Variants in CEP152 observed in about 807,000 individuals in gnomAD.
CEP152 encodes centrosomal protein of 152 kDa.
In CEP152, 132 loss-of-function variants were observed where a neutral mutation model predicts 188.9. The ratio of observed to expected loss-of-function variants is 0.70; its 90% CI spans 0.61 to 0.81. The LOEUF is 0.81. Among genes scored for constraint, CEP152 ranks in the 30% least tolerant of loss-of-function variants. The probability of loss-of-function intolerance (pLI) is 0.00; values close to 1 mark genes in which losing one functional copy is unlikely to be tolerated. For synonymous variants in CEP152, 649 were observed against 666.6 expected (o/e 0.97, Z 0.41); for missense variants, 1,914 against 1,969.8 (o/e 0.97, Z 0.54).
In CEP152 at chr15:48,742,038, C is replaced by T; in HGVS notation, c.3898G>A (p.Val1300Ile). The change falls in exon 25 of 27, where the codon GTA (valine) becomes ATA (isoleucine). Residue 1300 changes from valine to isoleucine, a missense_variant. Physicochemically the swap from Val to Ile is conservative, Grantham distance 29. Coordinates refer to ENST00000380950, the MANE Select transcript of CEP152 (RefSeq NM_001194998.2). Reference protein sequence around the residue: ...ERAAEMVKAEVLRERQETARK... With the variant: ...ERAAEMVKAEILRERQETARK... The stretch of plus-strand genomic sequence containing the variant: ...GCGGTTTCTTGACGTTCTCGCAGTA[C>T]CTCTGCTTTTACCATTTCTGCAGCT... The T allele has an allele frequency of 6.2e-7, 1 of 1,614,100 alleles. No homozygotes were observed. The highest frequency in any genetic ancestry group is 1.7e-5 in the Admixed American group (1 of 60,014).
At chr15:48,755,480 C>G (rs2140663065) in intron 20 of CEP152, among the ~76,000 whole-genome samples, 1 of 152,202 alleles carries the variant, frequency 6.6e-6, no homozygotes, top group African/African-American at 2.4e-5. Flanking sequence ...TCTGAAATCT[C>G]AGGCCCTTAG....
At chr15:48,769,176 C>T (rs1735378332) in intron 13 of CEP152, 95 bp from the exon 14 acceptor site, 1 of 973,318 alleles carries the variant, frequency 1.0e-6, no homozygotes, top group Non-Finnish European at 1.6e-6. Context: ...GCAAACAGTA[C>T]AAATAATCTC....
chr15:48,795,596 C>T (rs75419899), intron 6 of CEP152, among the ~76,000 whole-genome samples: 4,457 of 152,202 alleles, frequency 0.029, 273 homozygotes, highest in East Asian at 0.15. Flanking sequence ...GGAGAAAAGG[C>T]TTAACAAACT....
intron 21 of CEP152, 125 bp downstream of exon 21, chr15:48,752,224 G>T: frequency 6.7e-7 from 1 of 1,499,208 alleles, no homozygotes; most frequent in East Asian, 2.3e-5. Flanking sequence ...TAGGAAGAGG[G>T]GACATTAAGT....
At chr15:48,740,359 T>C (rs1352632293) in intron 26 of CEP152, 3 of 152,126 alleles carry the variant, frequency 2.0e-5, no homozygotes, top group Non-Finnish European at 4.4e-5. Flanking sequence ...GATGTTCTTC[T>C]TGTAAAAATA....
intron 20 of CEP152, among the ~76,000 whole-genome samples, chr15:48,755,596 C>T (rs1014356771): frequency 2.0e-5 from 3 of 152,068 alleles, no homozygotes; most frequent in South Asian, 2.1e-4. Flanking sequence ...TTTGCTGCAC[C>T]TATCAACCTG....
chr15:48,777,571 C>A (rs1456760721), intron 12 of CEP152, among the ~76,000 whole-genome samples: 5 of 150,642 alleles, frequency 3.3e-5, no homozygotes, highest in Non-Finnish European at 7.4e-5. Flanking sequence ...ATAAAAGGAG[C>A]TTTTGCAATA....
intron 19 of CEP152, among the ~76,000 whole-genome samples, chr15:48,757,969 G>A (rs1189713328): frequency 1.3e-5 from 2 of 152,190 alleles, no homozygotes; most frequent in African/African-American, 4.8e-5. Flanking sequence ...ATTTTCTCAT[G>A]TGAAGTTTTA....
chr15:48,806,906 T>C (rs1898017235), intron 1 of CEP152, among the ~76,000 whole-genome samples: 1 of 152,106 alleles, frequency 6.6e-6, no homozygotes, highest in Non-Finnish European at 1.5e-5. Flanking sequence ...AAAGAAAATA[T>C]GCAAGCTAGA....
rs757107865 is a variant in CEP152, at chr15:48,769,037, A to C, written c.1827T>G (p.Pro609=). Residue 609 remains proline, a synonymous_variant, in exon 14 of 27, where the codon CCT becomes CCG. Transcript: ENST00000380950. ...TSEKPKNQLW[P]ESSTSDVVRD... is the part of the protein sequence containing the mutation. ...TGACAACATCAGAAGTAGAAGACTCAGGCCATAATTGATTCTTTGGTTTTT... is the reference window on the plus strand; with the variant it reads ...TGACAACATCAGAAGTAGAAGACTCCGGCCATAATTGATTCTTTGGTTTTT... 6.2e-7 allele frequency: 1 copy of C among 1,604,038 alleles called. No individual in the cohort carries two copies. The highest frequency in any genetic ancestry group is 1.7e-5 in the Admixed American group (1 of 59,930).
chr15:48,787,180 T>TTTTTTTTC, intron 9 of CEP152, among the ~76,000 whole-genome samples: 1 of 147,556 alleles, frequency 6.8e-6, no homozygotes, highest in Non-Finnish European at 1.5e-5. Flanking sequence ...TTTTTTTTTT[T>TTTTTTTTC]TTCTGGAAAA....
chr15:48,760,463 T>C (rs748034334), intron 18 of CEP152, among the ~76,000 whole-genome samples, 197 bp from the exon 19 acceptor site: 23 of 152,182 alleles, frequency 1.5e-4, no homozygotes, highest in Admixed American at 9.2e-4. Context: ...TAGCATCCCA[T>C]ACAAATGCAA....
Position 48,738,572 on chromosome 15 carries a change from C to T in CEP152, c.4810G>A (p.Glu1604Lys). The T allele has an allele frequency of 1.9e-6, 3 of 1,614,178 alleles. No individual in the cohort carries two copies. The highest frequency in any genetic ancestry group is 1.1e-5 in the South Asian group (1 of 91,084). Residue 1604 changes from glutamate to lysine, a missense_variant, in exon 27 of 27, where the codon GAA becomes AAA. Physicochemically the swap from Glu to Lys is moderately conservative, Grantham distance 56. Coordinates refer to ENST00000380950, the MANE Select transcript of CEP152 (RefSeq NM_001194998.2). ...RPQGTLEIPS[E>K]SVKSKQFSPS... ...GAAAACTGTTTGGATTTAACAGATTCACTTGGTATTTCCAAAGTTCCTTGT... is the reference window on the plus strand; with the variant it reads ...GAAAACTGTTTGGATTTAACAGATTTACTTGGTATTTCCAAAGTTCCTTGT...
chr15:48,753,553 A>T (rs1894041686), intron 20 of CEP152, among the ~76,000 whole-genome samples: 1 of 152,214 alleles, frequency 6.6e-6, no homozygotes, highest in Non-Finnish European at 1.5e-5. Flanking sequence ...TATAGAGAAG[A>T]GGCAATCAAG....
chr15:48,752,437 G>A lies in CEP152; in HGVS notation c.3378C>T (p.Ala1126=), dbSNP rs200018103. The A allele has an allele frequency of 1.4e-4, 232 of 1,613,690 alleles. No homozygotes were observed. The highest frequency in any genetic ancestry group is 4.6e-5 in the Non-Finnish European group (54 of 1,180,020). Residue 1126 remains alanine (A), a synonymous_variant, in exon 21 of 27, where the codon GCC becomes GCT. Transcript: ENST00000380950. The stretch of plus-strand genomic sequence containing the variant: ...GGTCTCCTTGGCCAGTGCCCTGGCT[G>A]GCAGAATCCTTAGAGAGCTCGGCCA... The part of the protein sequence containing the change: ...RNMAELSKDS[A]SQGTGQGDPG...
rs765607041 is a variant in CEP152, at chr15:48,741,711, G to A, written c.3990-7C>T. The stretch of plus-strand genomic sequence containing the variant: ...CATAATCTTTTTCTCAGCCCTGTGG[G>A]GAATTCCAGAATATTAAAAATATAG... On this transcript the variant is annotated splice_region_variant and splice_polypyrimidine_tract_variant and intron_variant, in intron 25 of 26. Coordinates refer to ENST00000380950, the MANE Select transcript of CEP152 (RefSeq NM_001194998.2). 1.9e-6 allele frequency: 3 copies of A among 1,613,892 alleles called. No individual in the cohort carries two copies. Among genetic ancestry groups the A allele is most frequent in the Non-Finnish European group, 2.5e-6 (3 of 1,180,006 alleles).
Position 48,744,338 on chromosome 15 carries a change from A to C in CEP152, c.3737T>G (p.Leu1246Trp). 2.5e-6 allele frequency: 4 copies of C among 1,614,066 alleles called. No individual in the cohort carries two copies. The highest frequency in any genetic ancestry group is 3.4e-6 in the Non-Finnish European group (4 of 1,179,962). The change falls in exon 24 of 27, where the codon TTG (leucine) becomes TGG (tryptophan). Residue 1246 changes from leucine (L) to tryptophan (W), a missense_variant. Coordinates refer to ENST00000380950, the MANE Select transcript of CEP152 (RefSeq NM_001194998.2). ...AGCATTTTCAATGGCCCCTGCTGAC[A>C]ATGACCTAAAAAACAAACCAAAGAT... is the stretch of plus-strand genomic sequence containing the variant. The part of the protein sequence containing the change: ...QTLCKTPPRS[L>W]SAGAIENACL...
At chr15:48,749,318 G>A (rs1315152952) in intron 21 of CEP152, among the ~76,000 whole-genome samples, 1 of 151,972 alleles carries the variant, frequency 6.6e-6, no homozygotes, top group Non-Finnish European at 1.5e-5. Context: ...GAAGTTGGAA[G>A]AATTATAATT....
At chr15:48,761,724 A>C (rs1228175714) in intron 18 of CEP152, among the ~76,000 whole-genome samples, 1 of 152,192 alleles carries the variant, frequency 6.6e-6, no homozygotes, top group Non-Finnish European at 1.5e-5. Context: ...TAAAATTGTA[A>C]AGGAGTCCTG....
Sources: allele counts gnomAD v4.1 joint callset (sites outside exome capture counted in the v4.1 genomes callset), GRCh38; gene constraint gnomAD v4.1.1; transcripts MANE v1.5; gene names NCBI Gene and HGNC (gene_info 2026-07-23, HGNC 2026-07-21).